The following RHBDD1 variants were observed in gnomAD, a reference collection of about 807,000 sequenced individuals.
The protein encoded by RHBDD1 is rhomboid domain containing 1, also known as rhomboid-related protein 4.
Under a neutral mutation model 36.3 loss-of-function variants are expected in RHBDD1, and 38 were observed. The ratio of observed to expected loss-of-function variants is 1.05; its 90% CI spans 0.81 to 1.37. RHBDD1 has a LOEUF of 1.37. Ranked by LOEUF, RHBDD1 falls within the 40% of genes most tolerant of loss-of-function variation. The pLI is 0.00. For synonymous variants in RHBDD1, 151 were observed against 136.5 expected (o/e 1.11, Z -0.74); for missense variants, 393 against 377.6 (o/e 1.04, Z -0.34).
upstream of RHBDD1, chr2:226,835,964 G>C (rs942779748): frequency 6.6e-6 from 1 of 152,564 alleles, no homozygotes; most frequent in Non-Finnish European, 1.5e-5. Flanking sequence ...CGGCCGAGCC[G>C]TCCGCTTTAA....
At position 226,996,681 on chromosome 2, in the gene RHBDD1, A is replaced by G. The variant is rs976360430; in HGVS notation, c.*1159A>G. ...GCATAAGGCAAACATCTGGAAAGAAATATACCCAAATCTTAGCAGGGGTTA... is the reference window on the plus strand; with the variant it reads ...GCATAAGGCAAACATCTGGAAAGAAGTATACCCAAATCTTAGCAGGGGTTA... On this transcript the variant is annotated 3_prime_UTR_variant, in exon 9 of 9. Coordinates refer to ENST00000392062, the MANE Select transcript of RHBDD1 (RefSeq NM_001167608.3). 2.0e-5 allele frequency: 3 copies of G among 152,182 alleles called. No homozygotes were observed. The highest frequency in any genetic ancestry group is 7.2e-5 in the African/African-American group (3 of 41,402). 9.4% of individuals were successfully genotyped at this position (152,182 alleles called of 1,614,324 possible). A position where few individuals can be genotyped will look rare whatever the true frequency, so the allele number is the denominator to read the frequency against.
chr2:226,868,335 C>A (rs756461300), intron 5 of RHBDD1, among the ~76,000 whole-genome samples: 4 of 152,176 alleles, frequency 2.6e-5, no homozygotes, highest in Non-Finnish European at 5.9e-5. Flanking sequence ...TGGTAGACAC[C>A]AGCCTTGTGA....
intron 5 of RHBDD1, among the ~76,000 whole-genome samples, chr2:226,884,476 A>G (rs1333462608): frequency 6.6e-6 from 1 of 152,144 alleles, no homozygotes; most frequent in African/African-American, 2.4e-5. Flanking sequence ...CTCTCCTTAA[A>G]TGGACATTGT....
At chr2:226,945,175 T>TATTATTATA (rs1403954976) in intron 8 of RHBDD1, among the ~76,000 whole-genome samples, 3 of 149,974 alleles carry the variant, frequency 2.0e-5, no homozygotes, top group East Asian at 1.9e-4. Flanking sequence ...TTATTATTAT[T>TATTATTATA]ATACTTTAAG....
chr2:226,898,694 G>T (rs1947331069), intron 5 of RHBDD1, among the ~76,000 whole-genome samples: 1 of 152,166 alleles, frequency 6.6e-6, no homozygotes, highest in Non-Finnish European at 1.5e-5. Flanking sequence ...CTTTCCTAGT[G>T]GCCTTAGTGT....
At chr2:226,816,074 A>G in the RHBDD1 span, among the ~76,000 whole-genome samples, 2 of 152,230 alleles carry the variant, frequency 1.3e-5, no homozygotes, top group Non-Finnish European at 2.9e-5. Flanking sequence ...CAACAACATT[A>G]GGCTGACTTG....
At chr2:226,980,638 G>A (rs1955517737) in intron 8 of RHBDD1, among the ~76,000 whole-genome samples, 1 of 152,022 alleles carries the variant, frequency 6.6e-6, no homozygotes, top group South Asian at 2.1e-4. Context: ...GGTTCCTTAT[G>A]GTCTTAAAAC....
Position 226,864,738 on chromosome 2 carries a change from C to A in RHBDD1, c.45C>A (p.Leu15=). The A allele has an allele frequency of 1.2e-6, 2 of 1,614,154 alleles. No homozygotes were observed. The highest frequency in any genetic ancestry group is 1.1e-5 in the South Asian group (1 of 91,084). Residue 15 remains leucine, a synonymous_variant, in exon 4 of 9, where the codon CTC becomes CTA. Transcript: ENST00000392062. Reference sequence around the variant, plus strand: ...GGATAAATACTGGACTTATTCTACTCCTTTCTCAAATCTTCCATGTTGGGA... The same window carrying A: ...GGATAAATACTGGACTTATTCTACTACTTTCTCAAATCTTCCATGTTGGGA... ...SRGINTGLIL[L]LSQIFHVGIN...
the RHBDD1 span, among the ~76,000 whole-genome samples, chr2:226,816,375 C>CAAAAAAAAAAAAAA: frequency 9.2e-5 from 6 of 64,946 alleles, no homozygotes; most frequent in African/African-American, 1.4e-4. Flanking sequence ...GGAATGGTGG[C>CAAAAAAAAAAAAAA]AAAAAAAAAA....
At chr2:226,826,961 A>T in the RHBDD1 span, among the ~76,000 whole-genome samples, 704 of 151,968 alleles carry the variant, frequency 4.6e-3, 2 homozygotes, top group Non-Finnish European at 7.6e-3. Flanking sequence ...CATTTAAAAA[A>T]TTTTTTATTA....
chr2:226,826,267 A>G, the RHBDD1 span, among the ~76,000 whole-genome samples: 122 of 152,374 alleles, frequency 8.0e-4, no homozygotes, highest in Non-Finnish European at 1.3e-3. Flanking sequence ...TTTAAGCATT[A>G]AAATTTTAAG....
chr2:226,987,772 G>C (rs138181427), intron 8 of RHBDD1, among the ~76,000 whole-genome samples: 309 of 152,312 alleles, frequency 2.0e-3, no homozygotes, highest in Admixed American at 3.0e-3. Context: ...TCAGTGACTT[G>C]ATATATTATC....
chr2:226,978,698 G>A (rs1176180381), intron 8 of RHBDD1, among the ~76,000 whole-genome samples: 2 of 152,174 alleles, frequency 1.3e-5, no homozygotes, highest in African/African-American at 4.8e-5. Flanking sequence ...TTAGATTCAC[G>A]AGTAATCACT....
At chr2:226,823,882 A>G in the RHBDD1 span, among the ~76,000 whole-genome samples, 3 of 152,160 alleles carry the variant, frequency 2.0e-5, no homozygotes. Flanking sequence ...GCTGAGCTCG[A>G]TTCTATAACA....
chr2:226,862,961 G>C (rs1943991583), intron 3 of RHBDD1, among the ~76,000 whole-genome samples: 1 of 152,180 alleles, frequency 6.6e-6, no homozygotes, highest in Admixed American at 6.5e-5. Context: ...CTCATCCCCT[G>C]ACCCCAGGGA....
Position 226,995,642 on chromosome 2 carries a change from C to A in RHBDD1, c.*120C>A, listed in dbSNP as rs1024374305. 1.4e-6 allele frequency: 1 copy of A among 723,336 alleles called. No homozygotes were observed. The highest frequency in any genetic ancestry group is 2.7e-5 in the East Asian group (1 of 37,046). 44.8% of individuals were successfully genotyped at this position (723,336 alleles called of 1,614,324 possible). A position where few individuals can be genotyped will look rare whatever the true frequency, so the allele number is the denominator to read the frequency against. ...AAAGCAGAGTACACCGGTATTGCTCCAGATCGCTCACATCACCTGGGACAG... is the reference window on the plus strand; with the variant it reads ...AAAGCAGAGTACACCGGTATTGCTCAAGATCGCTCACATCACCTGGGACAG... On this transcript the variant is annotated 3_prime_UTR_variant, in exon 9 of 9. Transcript: ENST00000392062.
At chr2:226,814,512 T>C in the RHBDD1 span, among the ~76,000 whole-genome samples, 5 of 152,244 alleles carry the variant, frequency 3.3e-5, no homozygotes, top group South Asian at 2.1e-4. Context: ...ATCTGAGATA[T>C]AGAGTAAAAT....
chr2:226,886,132 A>G (rs1454955777), intron 5 of RHBDD1, among the ~76,000 whole-genome samples: 1 of 152,248 alleles, frequency 6.6e-6, no homozygotes, highest in East Asian at 1.9e-4. Flanking sequence ...AGCGGGGACT[A>G]CCATAGCACC....
At chr2:226,824,681 A>G in the RHBDD1 span, among the ~76,000 whole-genome samples, 2 of 152,202 alleles carry the variant, frequency 1.3e-5, no homozygotes, top group African/African-American at 4.8e-5. Flanking sequence ...AAATTTTTCA[A>G]CTGTGTCTTT....
Sources: gnomAD v4.1 joint callset for allele counts (sites outside exome capture counted in the v4.1 genomes callset) on GRCh38, gnomAD v4.1.1 for gene constraint, MANE v1.5 for transcripts, NCBI Gene and HGNC (gene_info 2026-07-23, HGNC 2026-07-21) for gene names.